EXOC6B: variants seen among roughly 807,000 people sequenced by gnomAD.
The protein encoded by EXOC6B is exocyst complex component 6B.
Under a neutral mutation model 113.5 loss-of-function variants are expected in EXOC6B, and 54 were observed. The ratio of observed to expected loss-of-function variants is 0.48; its 90% CI spans 0.38 to 0.60. The LOEUF (loss-of-function observed/expected upper bound fraction) is 0.60. EXOC6B is among the 20% of genes least tolerant of loss of function. EXOC6B has a pLI of 0.00. For missense variants in EXOC6B, 797 were observed against 977.5 expected, an observed-to-expected ratio of 0.82 and a Z score of 2.46; for synonymous variants, 357 against 339.0, an observed-to-expected ratio of 1.05 and a Z score of -0.58.
At chr2:72,739,569 T>C (rs888841923) in intron 2 of EXOC6B, among the ~76,000 whole-genome samples, 4 of 152,092 alleles carry the variant, frequency 2.6e-5, no homozygotes, top group Non-Finnish European at 4.4e-5. Context: ...TTCTTTCTGG[T>C]TTAGAAATTT....
At chr2:72,310,092 T>C (rs1208044184) in intron 20 of EXOC6B, among the ~76,000 whole-genome samples, 1 of 152,204 alleles carries the variant, frequency 6.6e-6, no homozygotes, top group Non-Finnish European at 1.5e-5. Context: ...AGCGCTGCTA[T>C]AAACGTTCAT....
intron 18 of EXOC6B, among the ~76,000 whole-genome samples, chr2:72,428,584 C>G (rs973063549): frequency 6.6e-6 from 1 of 152,186 alleles, no homozygotes; most frequent in Non-Finnish European, 1.5e-5. Flanking sequence ...TGCAGTCTCC[C>G]TTGGAGGCAT....
chr2:72,279,317 T>C lies in EXOC6B; in HGVS notation c.2196+55630A>G, dbSNP rs192111943. Among the ~76,000 whole-genome samples the C allele has an allele frequency of 4.5e-3, 684 of 152,322 alleles. 8 individuals are homozygous for C. Among genetic ancestry groups the C allele is most frequent in the Non-Finnish European group, 4.5e-3 (308 of 68,022 alleles). The stretch of plus-strand genomic sequence containing the variant: ...TCCTGTATTCCTCTGCTAGGCCTTC[T>C]GGAGTTACAAAATCACACTTTAGTT... On this transcript the variant is annotated intron_variant, in intron 20 of 21. Coordinates refer to ENST00000272427, the MANE Select transcript of EXOC6B (RefSeq NM_015189.3).
At chr2:72,354,593 T>G (rs1689864286) in intron 19 of EXOC6B, among the ~76,000 whole-genome samples, 1 of 152,206 alleles carries the variant, frequency 6.6e-6, no homozygotes, top group African/African-American at 2.4e-5. Flanking sequence ...AATGACTGCC[T>G]TATCTTCTGG....
rs368734838 is a variant in EXOC6B, at chr2:72,492,107, CAA to C, written c.1665+209_1665+210del. Among the ~76,000 whole-genome samples the C allele has an allele frequency of 4.5e-3, 683 of 151,592 alleles. 4 individuals carry two copies. Among genetic ancestry groups the C allele is most frequent in the African/African-American group, 0.014 (580 of 41,356 alleles). ...GGAAAACCAGTTAAGCTAGTGAAAA[CAA>C]AGAGAAAAACGACTTTTTTAGAAAA... is the stretch of plus-strand genomic sequence containing the variant. On this transcript the variant is annotated intron_variant, in intron 16 of 21. Transcript: ENST00000272427.
Position 72,514,597 on chromosome 2 carries a change from A to T in EXOC6B, c.1046+37T>A, listed in dbSNP as rs546911759. 1,596 of 207,114 alleles carry T rather than the reference A, an allele frequency of 7.7e-3. 23 individuals are homozygous for T. The highest frequency in any genetic ancestry group is 0.03 in the African/African-American group (990 of 32,682). The allele number at this position is 207,114 out of a possible 1,614,324, so 12.8% of individuals were successfully genotyped here. A position where few individuals can be genotyped will look rare whatever the true frequency, so the allele number is the denominator to read the frequency against. On this transcript the variant is annotated intron_variant, in intron 10 of 21. Coordinates refer to ENST00000272427, the MANE Select transcript of EXOC6B (RefSeq NM_015189.3). Reference sequence around the variant, plus strand: ...ATTTCAATAAATAAATAAATAAATAAATAAATAAATATATATATATATATA... The same window carrying T: ...ATTTCAATAAATAAATAAATAAATATATAAATAAATATATATATATATATA...
intron 6 of EXOC6B, among the ~76,000 whole-genome samples, chr2:72,684,160 C>T (rs1006769962): frequency 3.7e-4 from 57 of 152,216 alleles, no homozygotes; most frequent in African/African-American, 1.3e-3. Context: ...CGCCTGACCT[C>T]AAGTGATCTA....
At chr2:72,284,214 C>T (rs1244847128) in intron 20 of EXOC6B, among the ~76,000 whole-genome samples, 1 of 152,068 alleles carries the variant, frequency 6.6e-6, no homozygotes, top group Non-Finnish European at 1.5e-5. Flanking sequence ...AACATAGATG[C>T]AAACATCCTC....
rs138697806 is a variant in EXOC6B at position 72,553,226 on chromosome 2, A to G, written c.915+6227T>C. Among the ~76,000 whole-genome samples, 559 of 152,202 alleles carry G rather than the reference A, an allele frequency of 3.7e-3. 11 individuals are homozygous for G. Among genetic ancestry groups the G allele is most frequent in the African/African-American group, 0.013 (546 of 41,578 alleles). ...ATTAGAAAATAAAGTAGAAAACCAC[A>G]ACAAAAACTAAGTATTTTGCTATTT... On this transcript the variant is annotated intron_variant, in intron 8 of 21. Coordinates refer to ENST00000272427, the MANE Select transcript of EXOC6B (RefSeq NM_015189.3).
intron 20 of EXOC6B, among the ~76,000 whole-genome samples, chr2:72,247,135 A>G (rs1031324597): frequency 6.6e-6 from 1 of 152,240 alleles, no homozygotes; most frequent in Admixed American, 6.5e-5. Flanking sequence ...AATATCTTTT[A>G]TCATTAAGAA....
At chr2:72,674,419 C>T (rs1286914089) in intron 6 of EXOC6B, among the ~76,000 whole-genome samples, 1 of 152,222 alleles carries the variant, frequency 6.6e-6, no homozygotes, top group Non-Finnish European at 1.5e-5. Context: ...TCTGAACATT[C>T]AGTGTTCTTC....
At chr2:72,619,088 G>A (rs1671579344) in intron 6 of EXOC6B, among the ~76,000 whole-genome samples, 1 of 152,122 alleles carries the variant, frequency 6.6e-6, no homozygotes, top group Non-Finnish European at 1.5e-5. Flanking sequence ...AGCTCTTCTT[G>A]AGGTTGCAGC....
chr2:72,681,229 A>T (rs998799170), intron 6 of EXOC6B, among the ~76,000 whole-genome samples: 2 of 152,174 alleles, frequency 1.3e-5, no homozygotes, highest in Non-Finnish European at 2.9e-5. Flanking sequence ...TCCAAGCCCT[A>T]AAATAGAATA....
chr2:72,741,915 G>T (rs1681349574), intron 1 of EXOC6B, among the ~76,000 whole-genome samples: 1 of 152,226 alleles, frequency 6.6e-6, no homozygotes, highest in Non-Finnish European at 1.5e-5. Flanking sequence ...AATATCGCTA[G>T]ATAATTCTAC....
chr2:72,639,515 A>C (rs1292237546), intron 6 of EXOC6B, among the ~76,000 whole-genome samples: 1 of 152,190 alleles, frequency 6.6e-6, no homozygotes, highest in African/African-American at 2.4e-5. Flanking sequence ...AGTTTGCCAC[A>C]GCTTCCACTA....
chr2:72,300,849 T>G (rs1391196736), intron 20 of EXOC6B, among the ~76,000 whole-genome samples: 1 of 152,126 alleles, frequency 6.6e-6, no homozygotes, highest in African/African-American at 2.4e-5. Flanking sequence ...TTACCCTCCG[T>G]GGGCTGCATC....
intron 6 of EXOC6B, among the ~76,000 whole-genome samples, chr2:72,643,203 G>T (rs1338821329): frequency 6.6e-6 from 1 of 152,018 alleles, no homozygotes; most frequent in Non-Finnish European, 1.5e-5. Flanking sequence ...AAGTCAGTGT[G>T]GTGACTCCTC....
intron 20 of EXOC6B, among the ~76,000 whole-genome samples, chr2:72,318,327 T>C (rs1687647234): frequency 2.0e-5 from 3 of 152,094 alleles, no homozygotes; most frequent in Admixed American, 2.0e-4. Context: ...ACTTCCCTCC[T>C]CCAAACTCAT....
intron 1 of EXOC6B, among the ~76,000 whole-genome samples, chr2:72,747,224 A>G (rs1453341275): frequency 5.5e-4 from 84 of 152,058 alleles, no homozygotes. Flanking sequence ...TAAACCAATC[A>G]TGGTAATTGC....
Sources: allele counts gnomAD v4.1 joint callset (sites outside exome capture counted in the v4.1 genomes callset), GRCh38; gene constraint gnomAD v4.1.1; transcripts MANE v1.5; gene names NCBI Gene and HGNC (gene_info 2026-07-23, HGNC 2026-07-21).